Variants in GREB1 observed in about 807,000 individuals in gnomAD.
The protein encoded by GREB1 is growth regulating estrogen receptor binding 1.
In GREB1, 106 loss-of-function variants were observed where a neutral mutation model predicts 200.7. The observed-to-expected ratio is 0.53, with a 90% CI of 0.45 to 0.62. The LOEUF (loss-of-function observed/expected upper bound fraction) is 0.62. Among genes scored for constraint, GREB1 ranks in the 20% least tolerant of loss-of-function variants. The pLI, the probability that GREB1 is intolerant of heterozygous loss-of-function variation, is 0.00. For synonymous variants in GREB1, 1,132 were observed against 1,092.4 expected (o/e 1.04, Z -0.72); for missense variants, 2,243 against 2,556.8 (o/e 0.88, Z 2.65).
chr2:11,489,176 G>A (rs1672725273), intron 1 of GREB1, among the ~76,000 whole-genome samples: 1 of 152,184 alleles, frequency 6.6e-6, no homozygotes, highest in Non-Finnish European at 1.5e-5. Context: ...GGGCCGGCCG[G>A]GCACAGTGGC....
rs1401329940 is a variant in GREB1 at position 11,484,927 on chromosome 2, G to A, written c.-159+2546G>A. Among the ~76,000 whole-genome samples the A allele has an allele frequency of 3.9e-5, 6 of 152,080 alleles. No homozygotes were observed. In the South Asian group the frequency reaches 1.0e-3, roughly 26 times the overall value. On this transcript the variant is annotated intron_variant, in intron 1 of 2. Coordinates refer to the GREB1 transcript ENST00000628795. ...GTGGCGCAATCTCGGCTCACTGCAA[G>A]CTCCGCCTCCCGGGTTCACGCCATT... is the stretch of plus-strand genomic sequence containing the variant.
chr2:11,611,170 C>A, intron 18 of GREB1, 143 bp downstream of exon 18: 1 of 674,318 alleles, frequency 1.5e-6, no homozygotes, highest in Non-Finnish European at 2.5e-6. Context: ...AGCCTCCTCT[C>A]TGTGCTTCCC....
At chr2:11,619,896 T>C (rs1683856421) in intron 22 of GREB1, among the ~76,000 whole-genome samples, 1 of 152,250 alleles carries the variant, frequency 6.6e-6, no homozygotes. Context: ...TTTCCATTCA[T>C]TGGCATTTAC....
At chr2:11,525,296 G>A (rs1030742132) in intron 1 of GREB1, among the ~76,000 whole-genome samples, 4 of 152,020 alleles carry the variant, frequency 2.6e-5, no homozygotes, top group Non-Finnish European at 4.4e-5. Flanking sequence ...CTTGAGGTCA[G>A]GAGTTCAAGA....
chr2:11,592,465 C>T (rs1336477310), intron 10 of GREB1, among the ~76,000 whole-genome samples: 3 of 151,294 alleles, frequency 2.0e-5, no homozygotes, highest in African/African-American at 7.3e-5. Flanking sequence ...AAAGAGTGAG[C>T]AAGGACTATG....
Position 11,556,569 on chromosome 2 carries a change from C to A in GREB1, c.-46C>A. 1.3e-6 allele frequency: 2 copies of A among 1,532,610 alleles called. No homozygotes were observed. The highest frequency in any genetic ancestry group is 1.8e-6 in the Non-Finnish European group (2 of 1,122,772). The allele number at this position is 1,532,610 out of a possible 1,614,324, so 94.9% of individuals were successfully genotyped here. The stretch of plus-strand genomic sequence containing the variant: ...CTTGCGTGGAGCCAGGCTTTTGCAC[C>A]GAATCTGAGATGCCATTTTAAACAG... On this transcript the variant is annotated 5_prime_UTR_variant, in exon 2 of 33. Transcript: ENST00000381486.
chr2:11,612,628 G>A lies in GREB1; in HGVS notation c.3122+18G>A. The A allele has an allele frequency of 6.7e-7, 1 of 1,489,722 alleles. No homozygotes were observed. The highest frequency in any genetic ancestry group is 9.4e-7 in the Non-Finnish European group (1 of 1,068,694). 92.3% of individuals were successfully genotyped at this position (1,489,722 alleles called of 1,614,324 possible). On this transcript the variant is annotated intron_variant, in intron 19 of 32. Transcript: ENST00000381486. ...TTGCCGAGGTGAGTGGAGGGGTTAT[G>A]CCCCTGGGGGTCTCTGAGGAGCTGG...
chr2:11,549,667 A>G (rs1388974543), intron 1 of GREB1, among the ~76,000 whole-genome samples: 1 of 152,104 alleles, frequency 6.6e-6, no homozygotes, highest in African/African-American at 2.4e-5. Context: ...AATTTCTGTT[A>G]TTGTTTAAAC....
At chr2:11,592,621 T>C (rs1483259065) in intron 10 of GREB1, among the ~76,000 whole-genome samples, 155 bp from the exon 11 acceptor site, 1 of 152,164 alleles carries the variant, frequency 6.6e-6, no homozygotes, top group Non-Finnish European at 1.5e-5. Flanking sequence ...GGTGGTGAGA[T>C]TGTGGCGGAT....
intron 17 of GREB1, among the ~76,000 whole-genome samples, chr2:11,607,592 A>G (rs796242495): frequency 1.6e-4 from 2 of 12,506 alleles, no homozygotes; most frequent in African/African-American, 1.9e-4. Flanking sequence ...ATACATATAT[A>G]CATATATATA....
In GREB1 at chr2:11,567,489, G is replaced by A. The variant is rs192621082; in HGVS notation, c.454+833G>A. On this transcript the variant is annotated intron_variant, in intron 4 of 32. Transcript: ENST00000381486. ...TGGATCTGTTAAATTGCTCAAGGCC[G>A]CGTGAGTAAAGAGGACAGAGCCAGG... 1.6e-3 allele frequency among the ~76,000 whole-genome samples: 238 copies of A among 152,266 alleles called. 2 individuals carry two copies. The highest frequency in any genetic ancestry group is 5.2e-3 in the African/African-American group (217 of 41,560).
intron 1 of GREB1, among the ~76,000 whole-genome samples, chr2:11,534,872 A>G (rs1371900466): frequency 6.6e-6 from 1 of 152,142 alleles, no homozygotes; most frequent in African/African-American, 2.4e-5. Context: ...AGAGTGAGGC[A>G]GAGAAGGTTG....
intron 17 of GREB1, among the ~76,000 whole-genome samples, chr2:11,602,834 G>A (rs892028436): frequency 9.9e-5 from 15 of 152,200 alleles, no homozygotes; most frequent in Admixed American, 7.9e-4. Flanking sequence ...AAAATGGGAG[G>A]AAGATAACAA....
chr2:11,571,930 C>T (rs1678344942), intron 4 of GREB1, among the ~76,000 whole-genome samples: 1 of 152,158 alleles, frequency 6.6e-6, no homozygotes, highest in South Asian at 2.1e-4. Flanking sequence ...CCAGGATGGT[C>T]TGGATCTCCT....
At chr2:11,609,962 G>A (rs987690121) in intron 17 of GREB1, among the ~76,000 whole-genome samples, 3 of 152,132 alleles carry the variant, frequency 2.0e-5, no homozygotes, top group Admixed American at 6.5e-5. Flanking sequence ...ATTTATTCAC[G>A]TTGAGAAACA....
chr2:11,543,047 C>T (rs574546791), intron 1 of GREB1, among the ~76,000 whole-genome samples: 1 of 152,122 alleles, frequency 6.6e-6, no homozygotes, highest in African/African-American at 2.4e-5. Flanking sequence ...TCTACTGTCT[C>T]TTTTTAGGGG....
Position 11,542,629 on chromosome 2 carries a change from G to GC in GREB1, c.-162+8375_-162+8376insC, listed in dbSNP as rs1358264160. On this transcript the variant is annotated intron_variant, in intron 1 of 32. Coordinates refer to ENST00000381486, the MANE Select transcript of GREB1 (RefSeq NM_014668.4). ...TGCAGTATGAGCAAAGTGCTGGGGC[G>GC]GGGGGAGGGCAGAAGAGGGAGCAGT... 1.7e-4 allele frequency: 3 copies of GC among 18,146 alleles called. No individual in the cohort carries two copies. The East Asian group carries it at 9.9e-3, about 60-fold the overall frequency. The allele number at this position is 18,146 out of a possible 1,614,324, so 1.1% of individuals were successfully genotyped here.
In GREB1 at chr2:11,606,186, G is replaced by A. The variant is rs148349781; in HGVS notation, c.2666+3644G>A. 1.1e-3 allele frequency among the ~76,000 whole-genome samples: 166 copies of A among 152,218 alleles called. 1 individual carries two copies. The Middle Eastern group carries it at 0.014, about 12-fold the overall frequency. On this transcript the variant is annotated intron_variant, in intron 17 of 32. Coordinates refer to ENST00000381486, the MANE Select transcript of GREB1 (RefSeq NM_014668.4). ...AACTTTCCATGTACATGGGTTTCAC[G>A]TCTAGAAAATACTGTATTTTTGATT...
chr2:11,621,120 C>G (rs1386690714), intron 23 of GREB1, 113 bp downstream of exon 23: 1 of 730,240 alleles, frequency 1.4e-6, no homozygotes, highest in African/African-American at 1.7e-5. Flanking sequence ...CATGATCAGA[C>G]TCATCCCAAG....
Sources: gnomAD v4.1 joint callset for allele counts (sites outside exome capture counted in the v4.1 genomes callset) on GRCh38, gnomAD v4.1.1 for gene constraint, MANE v1.5 for transcripts, NCBI Gene and HGNC (gene_info 2026-07-23, HGNC 2026-07-21) for gene names.